Variants in GPM6A observed in about 807,000 individuals in gnomAD.
GPM6A encodes glycoprotein M6A.
A neutral mutation model predicts 32.1 loss-of-function variants in GPM6A; 7 were observed. The ratio of observed to expected loss-of-function variants is 0.22; its 90% confidence interval spans 0.12 to 0.41. The LOEUF is 0.41. Among genes scored for constraint, GPM6A ranks in the 10% least tolerant of loss-of-function variants. The probability of loss-of-function intolerance (pLI) is 1.00; values close to 1 mark genes in which losing one functional copy is unlikely to be tolerated. For missense variants in GPM6A, 235 were observed against 347.2 expected (o/e 0.68, Z 2.57); for synonymous variants, 130 against 123.4 (o/e 1.05, Z -0.35).
At chr4:175,711,453 T>TATAC (rs1745533954) in intron 1 of GPM6A, among the ~76,000 whole-genome samples, 1 of 35,682 alleles carries the variant, frequency 2.8e-5, no homozygotes, top group Admixed American at 4.4e-4. Context: ...TATATATATA[T>TATAC]ATATACACAC....
intron 1 of GPM6A, among the ~76,000 whole-genome samples, chr4:175,923,388 G>C (rs1408130341): frequency 6.7e-6 from 1 of 149,172 alleles, no homozygotes; most frequent in Non-Finnish European, 1.5e-5. Flanking sequence ...AGATACCTGG[G>C]AAAGTAACAC....
At chr4:175,661,052 T>A (rs1220703107) in intron 3 of GPM6A, among the ~76,000 whole-genome samples, 2 of 152,198 alleles carry the variant, frequency 1.3e-5, no homozygotes, top group African/African-American at 4.8e-5. Context: ...GTGCAATCAG[T>A]ATATACTTGG....
intron 1 of GPM6A, among the ~76,000 whole-genome samples, chr4:175,710,396 G>T (rs1745461832): frequency 6.6e-6 from 1 of 151,872 alleles, no homozygotes. Flanking sequence ...TTTCATTCTT[G>T]TTCAGTTTTA....
intron 2 of GPM6A, among the ~76,000 whole-genome samples, chr4:175,688,081 AT>A (rs1041133497): frequency 1.1e-4 from 17 of 152,138 alleles, no homozygotes; most frequent in Non-Finnish European, 2.1e-4. Context: ...AGTTACTTAT[AT>A]TTTTTGGATA....
intron 4 of GPM6A, among the ~76,000 whole-genome samples, chr4:175,645,326 G>A (rs1741393349): frequency 6.6e-6 from 1 of 152,168 alleles, no homozygotes; most frequent in South Asian, 2.1e-4. Flanking sequence ...GATGCGTAAT[G>A]TGTGTACACG....
intron 1 of GPM6A, among the ~76,000 whole-genome samples, chr4:175,929,404 T>G (rs1473151257): frequency 6.6e-6 from 1 of 152,232 alleles, no homozygotes; most frequent in Non-Finnish European, 1.5e-5. Context: ...ACAGGTCTAT[T>G]GCTCTGTTGT....
In GPM6A at chr4:175,982,907, T is replaced by C. The variant is rs1740860103; in HGVS notation, c.-23+19402A>G. On this transcript the variant is annotated intron_variant, in intron 1 of 7. Transcript: ENST00000280187. ...TTAGGTCTTTGTTTTCTTTCATGGC[T>C]ATTTTGTATTTTTCTGCATAAACGG... 3.3e-5 allele frequency among the ~76,000 whole-genome samples: 5 copies of C among 152,192 alleles called. No individual in the cohort carries two copies. In the South Asian group the frequency reaches 1.0e-3, roughly 31 times the overall value.
At chr4:175,812,991 G>A, upstream of GPM6A, 1 of 985,026 alleles carries the variant, frequency 1.0e-6, no homozygotes, top group Non-Finnish European at 1.2e-6. Flanking sequence ...TAGAAGCGTG[G>A]CTGTCAAAGG....
chr4:175,988,998 T>G (rs7682385), intron 1 of GPM6A, among the ~76,000 whole-genome samples: 3,782 of 152,136 alleles, frequency 0.025, 142 homozygotes, highest in African/African-American at 0.085. Context: ...AACAGCTACT[T>G]GTACCCCAAT....
intron 1 of GPM6A, among the ~76,000 whole-genome samples, chr4:175,882,357 T>C (rs2111459893): frequency 6.6e-6 from 1 of 152,128 alleles, no homozygotes; most frequent in South Asian, 2.1e-4. Context: ...TTTTATGCTG[T>C]TGGATGATTA....
At chr4:175,921,056 G>A (rs893247946) in intron 1 of GPM6A, among the ~76,000 whole-genome samples, 1 of 146,906 alleles carries the variant, frequency 6.8e-6, no homozygotes, top group African/African-American at 2.6e-5. Flanking sequence ...AGAAAATTAG[G>A]ATTATCTTTA....
intron 4 of GPM6A, among the ~76,000 whole-genome samples, chr4:175,647,980 C>T (rs149373299): frequency 1.6e-3 from 249 of 152,016 alleles, no homozygotes; most frequent in African/African-American, 5.8e-3. Context: ...TCTTTCAAAT[C>T]CATAAAAGAA....
intron 1 of GPM6A, among the ~76,000 whole-genome samples, chr4:175,968,361 G>A (rs1740395257): frequency 1.3e-5 from 2 of 152,228 alleles, no homozygotes; most frequent in South Asian, 4.1e-4. Context: ...GTGATTTTAG[G>A]TTTAGTGATG....
intron 1 of GPM6A, among the ~76,000 whole-genome samples, chr4:175,857,834 C>T (rs1318905177): frequency 1.3e-5 from 2 of 151,952 alleles, no homozygotes; most frequent in African/African-American, 4.8e-5. Flanking sequence ...TTTGCCTTTA[C>T]CACGTATATT....
At chr4:175,814,985 G>A (rs1185988528), upstream of GPM6A, among the ~76,000 whole-genome samples, 1 of 151,834 alleles carries the variant, frequency 6.6e-6, no homozygotes, top group African/African-American at 2.4e-5. Context: ...CCTTCCTCCT[G>A]TTTGATGGCA....
At chr4:175,702,161 T>A (rs1013760740) in intron 1 of GPM6A, among the ~76,000 whole-genome samples, 1 of 152,248 alleles carries the variant, frequency 6.6e-6, no homozygotes, top group Non-Finnish European at 1.5e-5. Flanking sequence ...TCTGTGTATC[T>A]GCATTTTTCT....
chr4:175,703,968 T>G (rs1484922046), intron 1 of GPM6A, among the ~76,000 whole-genome samples: 2 of 152,242 alleles, frequency 1.3e-5, no homozygotes, highest in East Asian at 3.8e-4. Context: ...TTCCTTTTTC[T>G]TCAGAAACAA....
At chr4:175,882,802 A>C (rs1035451678) in intron 1 of GPM6A, among the ~76,000 whole-genome samples, 1 of 152,124 alleles carries the variant, frequency 6.6e-6, no homozygotes, top group Admixed American at 6.6e-5. Flanking sequence ...TGGAAAACAC[A>C]GTGGTAATAC....
chr4:175,925,144 A>G (rs1738791726), intron 1 of GPM6A, among the ~76,000 whole-genome samples: 1 of 152,236 alleles, frequency 6.6e-6, no homozygotes, highest in African/African-American at 2.4e-5. Flanking sequence ...ACTGAGGAAG[A>G]ATCAGCAACT....
Sources: allele counts gnomAD v4.1 joint callset (sites outside exome capture counted in the v4.1 genomes callset), GRCh38; gene constraint gnomAD v4.1.1; transcripts MANE v1.5; gene names NCBI Gene and HGNC (gene_info 2026-07-23, HGNC 2026-07-21).